Variants in GYS1 observed in about 807,000 individuals in gnomAD.
GYS1 encodes the protein glycogen synthase 1.
A neutral mutation model predicts 89.1 loss-of-function variants in GYS1; 60 were observed. The ratio of observed to expected loss-of-function variants is 0.67; its 90% CI spans 0.55 to 0.84. The LOEUF (loss-of-function observed/expected upper bound fraction) is 0.84, where lower values mean the gene tolerates loss of function less well. Ranked by LOEUF, GYS1 falls within the 40% of genes least tolerant of loss-of-function variation. GYS1 has a pLI of 0.00. For missense variants in GYS1, 888 were observed against 1,003.1 expected (o/e 0.89, Z 1.55); for synonymous variants, 366 against 401.7 (o/e 0.91, Z 1.06).
chr19:48,969,409 G>A lies in GYS1; in HGVS notation c.2093C>T (p.Ser698Phe). 1 of 1,553,010 alleles carries A rather than the reference G, an allele frequency of 6.4e-7. No individual in the cohort carries two copies. The highest frequency in any genetic ancestry group is 8.7e-7 in the Non-Finnish European group (1 of 1,152,578). ...IRAPEWPRRA[S>F]CTSSTSGSKR... is the part of the protein sequence containing the mutation. The stretch of plus-strand genomic sequence containing the variant: ...GCTGCCGCTGGTGGAGGAGGTGCAG[G>A]ACGCTCGGCGCGGCCACTCTGGTGC... The change falls in exon 16 of 16, where the codon TCC (serine) becomes TTC (phenylalanine). Residue 698 changes from serine (S) to phenylalanine (F), a missense_variant. Ser to Phe is a radical substitution (Grantham distance 155, BLOSUM62 -2). Transcript: ENST00000323798.
intron 5 of GYS1, among the ~76,000 whole-genome samples, chr19:48,985,157 T>C (rs2038822105): frequency 6.6e-6 from 1 of 152,018 alleles, no homozygotes. Flanking sequence ...GCTCGAGCAA[T>C]CCTCCCACCT....
chr19:48,978,062 C>T, intron 9 of GYS1, 36 bp downstream of exon 9: 1 of 1,610,192 alleles, frequency 6.2e-7, no homozygotes. Flanking sequence ...TTAGTCAGGG[C>T]CTAGGAGGGC....
intron 10 of GYS1, among the ~76,000 whole-genome samples, chr19:48,975,788 G>A (rs1354100266): frequency 2.0e-5 from 3 of 151,470 alleles, no homozygotes; most frequent in East Asian, 1.9e-4. Context: ...TTAGCCAGGC[G>A]TGGTGGTGGG....
At chr19:48,978,025 CATGT>C (rs374886206) in intron 9 of GYS1, 23 bp from the exon 10 acceptor site, 14 of 1,611,342 alleles carry the variant, frequency 8.7e-6, no homozygotes, top group Non-Finnish European at 1.1e-5. Flanking sequence ...CAGGGGCATG[CATGT>C]GAGAACGGAG....
chr19:48,979,646 CTTTTTTTT>C (rs56291141), intron 8 of GYS1, among the ~76,000 whole-genome samples: 2 of 114,974 alleles, frequency 1.7e-5, no homozygotes, highest in East Asian at 5.0e-4. Flanking sequence ...CTCTTTCTTT[CTTTTTTTT>C]TTTTTTTTTT....
intron 7 of GYS1, 102 bp downstream of exon 7, chr19:48,982,153 A>G (rs2122507243): frequency 3.1e-6 from 4 of 1,276,788 alleles, no homozygotes; most frequent in East Asian, 2.5e-5. Flanking sequence ...TTGGCCTCCA[A>G]AAGTGTTGGG....
Position 48,991,220 on chromosome 19 carries a change from C to T in GYS1, c.300+82G>A. 6.8e-7 allele frequency: 1 copy of T among 1,468,758 alleles called. No homozygotes were observed. Among genetic ancestry groups the T allele is most frequent in the South Asian group, 1.1e-5 (1 of 88,000 alleles). 91.0% of individuals were successfully genotyped at this position (1,468,758 alleles called of 1,614,324 possible). On this transcript the variant is annotated intron_variant, in intron 2 of 15. Transcript: ENST00000323798. The surrounding 1 kb of genome is among the most constrained non-coding windows in gnomAD (Gnocchi z 4.7). ...CTCGCTCTCTGGCTGGGGCTGTCCA[C>T]CCTGCACCCTCTCCGTCTGTGGCTC...
At chr19:48,979,328 TTTC>T (rs796386998) in intron 8 of GYS1, among the ~76,000 whole-genome samples, 26 of 102,406 alleles carry the variant, frequency 2.5e-4, no homozygotes, top group Middle Eastern at 5.6e-3. Flanking sequence ...CTTTTTCTTT[TTTC>T]TTTTCTTTTT....
chr19:48,990,320 A>C (rs1267046147), intron 2 of GYS1, among the ~76,000 whole-genome samples: 5 of 150,286 alleles, frequency 3.3e-5, no homozygotes, highest in Non-Finnish European at 6.0e-5. Context: ...CCTCCTCTCT[A>C]ATCCCTGATC....
At chr19:48,982,456 A>G (rs1423229324) in intron 6 of GYS1, 81 bp from the exon 7 acceptor site, 5 of 1,539,538 alleles carry the variant, frequency 3.2e-6, no homozygotes, top group Non-Finnish European at 4.5e-6. Flanking sequence ...CCCAGAAGCT[A>G]TGGGTGGGGG....
chr19:48,990,826 G>A (rs1323469487), intron 2 of GYS1, among the ~76,000 whole-genome samples: 4 of 152,070 alleles, frequency 2.6e-5, no homozygotes, highest in African/African-American at 9.7e-5. Flanking sequence ...ACAGAGTCTC[G>A]CTCCGTCGCC....
At chr19:48,989,488 A>C (rs2038890077) in intron 2 of GYS1, among the ~76,000 whole-genome samples, 1 of 151,308 alleles carries the variant, frequency 6.6e-6, no homozygotes, top group African/African-American at 2.4e-5. Flanking sequence ...TCTGAAAAAA[A>C]AAAAAAAAAA....
intron 12 of GYS1, 61 bp from the exon 13 acceptor site, chr19:48,971,084 A>G (rs2038558445): frequency 1.5e-5 from 17 of 1,149,562 alleles, no homozygotes; most frequent in Non-Finnish European, 2.2e-5. Context: ...TCTTAATCGC[A>G]ATAGACGCCT....
At chr19:48,985,823 C>T (rs914098341) in intron 4 of GYS1, 27 bp downstream of exon 4, 4 of 1,609,786 alleles carry the variant, frequency 2.5e-6, no homozygotes, top group Admixed American at 1.7e-5. Context: ...TACTCGCAGT[C>T]CCCCATCTGC....
intron 12 of GYS1, among the ~76,000 whole-genome samples, chr19:48,971,555 C>T (rs1600131315): frequency 6.9e-6 from 1 of 144,676 alleles, no homozygotes; most frequent in African/African-American, 2.5e-5. Flanking sequence ...GATTTTTATG[C>T]TTTTTTTTTT....
chr19:48,973,969 T>A (rs1336048727), intron 12 of GYS1, among the ~76,000 whole-genome samples: 2,692 of 152,320 alleles, frequency 0.018, 72 homozygotes, highest in African/African-American at 0.061. Context: ...GCCACTGCTT[T>A]CTGGGAGAAA....
chr19:48,970,584 G>A lies in GYS1; in HGVS notation c.1771C>T (p.Arg591Cys). 3 of 1,613,758 alleles carry A rather than the reference G, an allele frequency of 1.9e-6. No individual in the cohort carries two copies. Among genetic ancestry groups the A allele is most frequent in the Non-Finnish European group, 8.5e-7 (1 of 1,179,820 alleles). ...QRIIQRNRTE[R>C]LSDLLDWKYL... ...TTCCAGTCCAGAAGGTCGGAGAGGC[G>A]CTCCGTGCGGTTCCGCTGGATGATA... Residue 591 changes from arginine to cysteine, a missense_variant, in exon 14 of 16, where the codon CGC becomes TGC. Transcript: ENST00000323798.
At chr19:48,974,170 C>T (rs1390001023) in intron 12 of GYS1, 43 bp downstream of exon 12, 1 of 1,559,728 alleles carries the variant, frequency 6.4e-7, no homozygotes. Context: ...CTAGCTCTGA[C>T]TAGGATGCCA....
intron 8 of GYS1, among the ~76,000 whole-genome samples, chr19:48,978,530 T>TTTATTATTATTA (rs71294392): frequency 1.2e-3 from 174 of 146,728 alleles, no homozygotes; most frequent in African/African-American, 3.8e-3. Flanking sequence ...CAGCAGTTTA[T>TTTATTATTATTA]TTATTATTAT....
Sources: gnomAD v4.1 joint callset for allele counts (sites outside exome capture counted in the v4.1 genomes callset) on GRCh38, gnomAD v4.1.1 for gene constraint, Gnocchi (gnomAD v3.1) non-coding constraint, MANE v1.5 for transcripts, NCBI Gene and HGNC (gene_info 2026-07-23, HGNC 2026-07-21) for gene names.